The following MACROH2A1 variants were observed in gnomAD, a reference collection of about 807,000 sequenced individuals.
The protein encoded by MACROH2A1 is core histone macro-H2A.1.
In MACROH2A1, 2 loss-of-function variants were observed where a neutral mutation model predicts 31.6. The ratio of observed to expected loss-of-function variants is 0.06; its 90% confidence interval spans 0.03 to 0.20. The LOEUF is 0.20. Ranked by LOEUF, MACROH2A1 falls within the 10% of genes least tolerant of loss-of-function variation. The pLI is 1.00. For missense variants in MACROH2A1, 230 were observed against 474.0 expected (o/e 0.49, Z 4.78); for synonymous variants, 169 against 189.6 (o/e 0.89, Z 0.89).
Position 135,369,223 on chromosome 5 carries a change from T to G in MACROH2A1, c.477+183A>C. ...ACTGGGTCCAGACTCTGGGAGGGCC[T>G]CCTGACTCTGGCTACTTGTGTTGGA... On this transcript the variant is annotated intron_variant, in intron 4 of 8. Coordinates refer to ENST00000511689, the MANE Select transcript of MACROH2A1 (RefSeq NM_138610.3). The surrounding 1 kb of genome is among the most constrained non-coding windows in gnomAD (Gnocchi z 4.3). The G allele has an allele frequency of 1.5e-6, 1 of 674,862 alleles. No homozygotes were observed. The highest frequency in any genetic ancestry group is 1.8e-5 in the South Asian group (1 of 56,398). 41.8% of individuals were successfully genotyped at this position (674,862 alleles called of 1,614,324 possible). A position where few individuals can be genotyped will look rare whatever the true frequency, so the allele number is the denominator to read the frequency against.
chr5:135,360,001 G>A (rs1762626471), intron 5 of MACROH2A1: 1 of 647,164 alleles, frequency 1.5e-6, no homozygotes, highest in African/African-American at 2.0e-5. Context: ...GAGTCATCTG[G>A]TGGTTCAGTG....
intron 8 of MACROH2A1, among the ~76,000 whole-genome samples, chr5:135,335,490 A>G (rs1430838597): frequency 6.6e-6 from 1 of 152,242 alleles, no homozygotes; most frequent in East Asian, 1.9e-4. Context: ...TGACTAGCAC[A>G]GTGCCTGAGC....
intron 4 of MACROH2A1, among the ~76,000 whole-genome samples, chr5:135,368,371 C>T (rs142471102): frequency 4.6e-5 from 7 of 152,382 alleles, no homozygotes; most frequent in African/African-American, 1.7e-4. Context: ...CACTGTCTCA[C>T]TCAGGTGAGA....
intron 1 of MACROH2A1, among the ~76,000 whole-genome samples, chr5:135,397,826 ACTCGAGT>A (rs1200779653): frequency 6.6e-6 from 1 of 152,008 alleles, no homozygotes; most frequent in Non-Finnish European, 1.5e-5. Flanking sequence ...CTAATTTACA[ACTCGAGT>A]CTCCCATTCA....
intron 2 of MACROH2A1, among the ~76,000 whole-genome samples, chr5:135,386,867 C>T (rs1003745802): frequency 1.3e-5 from 2 of 152,206 alleles, no homozygotes; most frequent in African/African-American, 4.8e-5. Flanking sequence ...TGTACTTGAC[C>T]TAATGATGGT....
chr5:135,338,737 CTGCCT>C (rs1222303727), intron 8 of MACROH2A1, among the ~76,000 whole-genome samples: 1 of 151,842 alleles, frequency 6.6e-6, no homozygotes, highest in Non-Finnish European at 1.5e-5. Flanking sequence ...ATAGCCATTC[CTGCCT>C]GGCCTGGCCT....
intron 5 of MACROH2A1, chr5:135,355,099 T>C (rs985809092): frequency 4.4e-6 from 2 of 456,006 alleles, no homozygotes; most frequent in Non-Finnish European, 8.8e-6. Context: ...GAAGCTATTT[T>C]GGCGGGCTCT....
chr5:135,388,879 CA>C, intron 2 of MACROH2A1, 42 bp downstream of exon 2: 1 of 1,484,076 alleles, frequency 6.7e-7, no homozygotes, highest in South Asian at 1.3e-5. Flanking sequence ...AGAACTTCTG[CA>C]TCTTAAGCCA....
In MACROH2A1 at chr5:135,352,891, G is replaced by A. The variant is rs1008403581; in HGVS notation, c.688+55C>T. ...GGGAAGATGAAATGCCTAAATTCTG[G>A]GTTCCATAACTTTTCATCTGACAGC... On this transcript the variant is annotated intron_variant, in intron 6 of 8. Coordinates refer to ENST00000511689, the MANE Select transcript of MACROH2A1 (RefSeq NM_138610.3). The A allele has an allele frequency of 1.1e-5, 10 of 946,000 alleles. No homozygotes were observed. In the African/African-American group the frequency reaches 1.3e-4, roughly 12 times the overall value. 58.6% of individuals were successfully genotyped at this position (946,000 alleles called of 1,614,324 possible).
upstream of MACROH2A1, chr5:135,399,360 C>G (rs1421756329): frequency 6.6e-6 from 1 of 152,322 alleles, no homozygotes; most frequent in Non-Finnish European, 1.5e-5. The surrounding 1 kb of genome is among the most constrained non-coding windows in gnomAD (Gnocchi z 4.5). Context: ...GGCCCGCGCC[C>G]TACCCGTTGA....
chr5:135,384,836 G>A (rs1766173052), intron 2 of MACROH2A1, among the ~76,000 whole-genome samples: 1 of 152,202 alleles, frequency 6.6e-6, no homozygotes, highest in South Asian at 2.1e-4. Flanking sequence ...TAAAACTATA[G>A]CATGGAGATG....
Position 135,335,118 on chromosome 5 carries a change from G to T in MACROH2A1, c.977C>A (p.Ala326Glu), listed in dbSNP as rs960712483. 6.2e-7 allele frequency: 1 copy of T among 1,613,768 alleles called. No homozygotes were observed. The highest frequency in any genetic ancestry group is 8.5e-7 in the Non-Finnish European group (1 of 1,179,756). ...GATGGCCTTCAGAATCAGCTGAGCT[G>T]CTGTCTGCTTTGGAAAACCGTTCCT... The part of the protein sequence containing the change: ...SGRNGFPKQT[A>E]AQLILKAISS... The change falls in exon 9 of 9, where the codon GCA becomes GAA. Residue 326 changes from alanine (A) to glutamate (E), a missense_variant. Around this residue, in one of 2 missense-constraint regions of MACROH2A1, gnomAD observed 183 missense variants for 319.3 expected, o/e 0.57. Transcript: ENST00000511689.
Position 135,369,445 on chromosome 5 carries a change from A to G in MACROH2A1, c.438T>C (p.Ser146=), listed in dbSNP as rs777134777. The change falls in exon 4 of 9, where the codon TCT becomes TCC. Residue 146 remains serine, a synonymous_variant. Transcript: ENST00000511689. This position sits in a 1 kb window ranked among gnomAD's most constrained non-coding sequence, Gnocchi z 4.3. ...AKSPSQKKPV[S]KKAGGKKGAR... is the part of the protein sequence containing the mutation. ...CCCCTTTCTTGCCTCCTGCTTTTTT[A>G]GATACAGGCTTCTTCTGGGATGGAG... The G allele has an allele frequency of 2.1e-5, 34 of 1,613,962 alleles. No individual in the cohort carries two copies. Among genetic ancestry groups the G allele is most frequent in the Non-Finnish European group, 2.7e-5 (32 of 1,180,016 alleles).
intron 8 of MACROH2A1, among the ~76,000 whole-genome samples, chr5:135,340,978 GA>G (rs1210607374): frequency 6.6e-6 from 1 of 152,288 alleles, no homozygotes; most frequent in East Asian, 1.9e-4. Context: ...TTTACTCCAT[GA>G]AAAATGTAAA....
Position 135,336,534 on chromosome 5 carries a change from G to A in MACROH2A1, c.954-1393C>T, listed in dbSNP as rs1323384231. ...GCTCCTCAGCCACAGAGCAGCCAGCGCATACAACTCTTCCCATGAGAGGGG... is the reference window on the plus strand; with the variant it reads ...GCTCCTCAGCCACAGAGCAGCCAGCACATACAACTCTTCCCATGAGAGGGG... On this transcript the variant is annotated intron_variant, in intron 8 of 8. Coordinates refer to ENST00000511689, the MANE Select transcript of MACROH2A1 (RefSeq NM_138610.3). Among the ~76,000 whole-genome samples, 5 of 95,500 alleles carry A rather than the reference G, an allele frequency of 5.2e-5. No homozygotes were observed. The South Asian group carries it at 1.3e-3, about 25-fold the overall frequency. The allele number at this position is 95,500 out of a possible 152,430, so 62.7% of individuals were successfully genotyped here. A position where few individuals can be genotyped will look rare whatever the true frequency, so the allele number is the denominator to read the frequency against.
intron 6 of MACROH2A1, chr5:135,351,616 G>A (rs555611432): frequency 1.1e-4 from 14 of 126,936 alleles, no homozygotes; most frequent in African/African-American, 3.3e-4. Context: ...AGGCTGGAGT[G>A]CAGTGGCACA....
At chr5:135,394,560 C>T (rs1345696778) in intron 1 of MACROH2A1, among the ~76,000 whole-genome samples, 3 of 152,236 alleles carry the variant, frequency 2.0e-5, no homozygotes, top group Admixed American at 6.5e-5. Context: ...CAATCTCCCT[C>T]AGGCTGCCCC....
chr5:135,387,695 CTT>C (rs1391947782), intron 2 of MACROH2A1, among the ~76,000 whole-genome samples: 4 of 152,162 alleles, frequency 2.6e-5, no homozygotes, highest in African/African-American at 9.7e-5. Context: ...GTCCTTTATG[CTT>C]TGAGGCCTGG....
At chr5:135,365,599 C>T (rs1306725079) in intron 4 of MACROH2A1, among the ~76,000 whole-genome samples, 1 of 152,144 alleles carries the variant, frequency 6.6e-6, no homozygotes, top group Non-Finnish European at 1.5e-5. Flanking sequence ...GTAACTAGTG[C>T]ATACAGACTA....
Sources: gnomAD v4.1 joint callset for allele counts (sites outside exome capture counted in the v4.1 genomes callset) on GRCh38, gnomAD v4.1.1 for gene constraint, gnomAD v4.1.1 regional missense constraint, Gnocchi (gnomAD v3.1) non-coding constraint, MANE v1.5 for transcripts, NCBI Gene and HGNC (gene_info 2026-07-23, HGNC 2026-07-21) for gene names.